FRMPD4: variants seen among roughly 807,000 people sequenced by gnomAD.
FRMPD4 encodes the protein FERM and PDZ domain-containing protein 4.
Under a neutral mutation model 94.1 loss-of-function variants are expected in FRMPD4, and 22 were observed. That is an observed-to-expected ratio of 0.23 (90% CI 0.17 to 0.33). The LOEUF (loss-of-function observed/expected upper bound fraction) is 0.33. Among genes scored for constraint, FRMPD4 ranks in the 10% least tolerant of loss-of-function variants. FRMPD4 has a pLI of 1.00. For synonymous variants in FRMPD4, 631 were observed against 548.6 expected (o/e 1.15, Z -2.10); for missense variants, 1,111 against 1,339.9 (o/e 0.83, Z 2.67).
chrX:11,857,544 C>T (rs1377757502), intron 1 of FRMPD4, among the ~76,000 whole-genome samples: 2 of 112,543 alleles, frequency 1.8e-5, no homozygotes, highest in African/African-American at 6.5e-5. Flanking sequence ...ACACTATGTA[C>T]AAAAATTAAC....
chrX:11,989,145 T>C (rs748096292), intron 3 of FRMPD4, among the ~76,000 whole-genome samples: 2 of 111,878 alleles, frequency 1.8e-5, no homozygotes, highest in Admixed American at 1.9e-4. Context: ...ATCAAAGAGA[T>C]AAGAAGTCAG....
intron 1 of FRMPD4, among the ~76,000 whole-genome samples, chrX:12,310,226 G>C (rs1315300708): frequency 1.8e-5 from 2 of 109,188 alleles, no homozygotes; most frequent in African/African-American, 6.7e-5. Context: ...AGGAGTGGGG[G>C]GTCGCAAGGT....
chrX:11,969,434 C>T (rs1217430349), intron 3 of FRMPD4, among the ~76,000 whole-genome samples: 1 of 112,138 alleles, frequency 8.9e-6, no homozygotes. Context: ...TTTCCATGGG[C>T]TTAGGCCTTG....
At chrX:11,849,009 G>A (rs1421258698) in intron 1 of FRMPD4, among the ~76,000 whole-genome samples, 2 of 111,101 alleles carry the variant, frequency 1.8e-5, no homozygotes, top group Non-Finnish European at 3.8e-5. Context: ...AAGACAAGAA[G>A]GAAAATTATC....
intron 1 of FRMPD4, among the ~76,000 whole-genome samples, chrX:12,247,689 A>G (rs2053975356): frequency 8.9e-6 from 1 of 112,033 alleles, no homozygotes; most frequent in Admixed American, 9.4e-5. Context: ...ACCTGGCAAT[A>G]TGTGCATTTT....
chrX:12,441,643 AGAGTCTTTGGCAAGACACATTGGAGT>A (rs1221117905), intron 1 of FRMPD4, among the ~76,000 whole-genome samples: 2 of 111,971 alleles, frequency 1.8e-5, no homozygotes, highest in Non-Finnish European at 3.8e-5. Flanking sequence ...AAAGAAGAAA[AGAGTCTTTGGCAAGACACATTGGAGT>A]ATTTCTTTTT....
At chrX:12,251,405 A>G (rs1179419518) in intron 1 of FRMPD4, among the ~76,000 whole-genome samples, 3 of 112,272 alleles carry the variant, frequency 2.7e-5, no homozygotes, top group Non-Finnish European at 5.6e-5. Flanking sequence ...CTGGCAGGCT[A>G]TGCCCCCAGC....
intron 3 of FRMPD4, among the ~76,000 whole-genome samples, chrX:11,997,405 G>A (rs756276545): frequency 7.1e-5 from 8 of 112,014 alleles, no homozygotes; most frequent in Non-Finnish European, 1.3e-4. Context: ...TTCCTAACAT[G>A]CAAGTATTAG....
chrX:12,360,925 C>CT (rs777506515), intron 1 of FRMPD4, among the ~76,000 whole-genome samples: 226 of 85,922 alleles, frequency 2.6e-3, no homozygotes, highest in African/African-American at 8.7e-3. Context: ...TATTCTATGG[C>CT]TTTTTTTTGC....
chrX:12,673,910 T>C (rs914851188), intron 4 of FRMPD4, among the ~76,000 whole-genome samples: 2 of 112,045 alleles, frequency 1.8e-5, no homozygotes, highest in African/African-American at 6.5e-5. Flanking sequence ...GCTAGAAGTG[T>C]GATTTGCAGT....
Position 12,380,073 on chromosome X carries a change from A to G in FRMPD4, c.42-118607A>G, listed in dbSNP as rs2056298598. ...TGGTACTAGGGCTCAACCGTATGGTAACTTGGTAGGAAAAATGATTTTGTT... is the reference window on the plus strand; with the variant it reads ...TGGTACTAGGGCTCAACCGTATGGTGACTTGGTAGGAAAAATGATTTTGTT... On this transcript the variant is annotated intron_variant, in intron 1 of 16. Coordinates refer to ENST00000675598, the MANE Select transcript of FRMPD4 (RefSeq NM_001368397.1). 2.7e-5 allele frequency among the ~76,000 whole-genome samples: 3 copies of G among 111,719 alleles called. 1 individual carries two copies. In the Admixed American group the frequency reaches 2.9e-4, roughly 11 times the overall value.
In FRMPD4 at chrX:12,716,818, C is replaced by T. The variant is rs2042096148; in HGVS notation, c.2359C>T (p.Pro787Ser). 8.3e-7 allele frequency: 1 copy of T among 1,209,849 alleles called. No homozygotes were observed. Among genetic ancestry groups the T allele is most frequent in the Non-Finnish European group, 1.1e-6 (1 of 894,926 alleles). The change falls in exon 15 of 17, where the codon CCC becomes TCC. Residue 787 changes from proline (P) to serine (S), a missense_variant. By Grantham distance (74) the Pro-to-Ser change is moderately conservative. Coordinates refer to ENST00000675598, the MANE Select transcript of FRMPD4 (RefSeq NM_001368397.1). ...TGACATCATTGACCTCACATCCCTGCCCCCTCCAGAAGGTGATGACAATGA... is the reference window on the plus strand; with the variant it reads ...TGACATCATTGACCTCACATCCCTGTCCCCTCCAGAAGGTGATGACAATGA... ...SDDIIDLTSL[P>S]PPEGDDNEDD...
intron 3 of FRMPD4, among the ~76,000 whole-genome samples, chrX:11,899,681 A>G (rs1167813880): frequency 8.9e-6 from 1 of 111,994 alleles, no homozygotes; most frequent in Non-Finnish European, 1.9e-5. Flanking sequence ...TTCTGCCAAC[A>G]ATAATGAGCA....
intron 1 of FRMPD4, among the ~76,000 whole-genome samples, chrX:12,264,986 G>T (rs1173179210): frequency 8.9e-6 from 1 of 112,120 alleles, no homozygotes; most frequent in Non-Finnish European, 1.9e-5. Context: ...AAGGCCTAAT[G>T]CTGTACATTA....
intron 1 of FRMPD4, among the ~76,000 whole-genome samples, chrX:12,232,656 G>C (rs2023759): frequency 2.7e-5 from 3 of 111,050 alleles, no homozygotes; most frequent in African/African-American, 9.8e-5. Context: ...GGTTGGAGTA[G>C]GGAGGGGTCA....
chrX:12,717,949 T>C lies in FRMPD4; in HGVS notation c.3123T>C (p.Asn1041=). The C allele has an allele frequency of 8.3e-7, 1 of 1,210,805 alleles. No individual in the cohort carries two copies. The highest frequency in any genetic ancestry group is 1.8e-5 in the South Asian group (1 of 56,946). The part of the protein sequence containing the change: ...LADGEGKAPP[N]GNTTGKKQQG... ...ATGGTGAGGGGAAGGCACCCCCTAA[T>C]GGGAACACAACAGGAAAAAAACAGC... Residue 1041 remains asparagine (N), a synonymous_variant, in exon 16 of 17, where the codon AAT becomes AAC. Coordinates refer to ENST00000675598, the MANE Select transcript of FRMPD4 (RefSeq NM_001368397.1).
intron 1 of FRMPD4, among the ~76,000 whole-genome samples, chrX:12,170,961 C>G (rs1022923456): frequency 8.8e-6 from 1 of 113,440 alleles, no homozygotes; most frequent in African/African-American, 3.2e-5. Flanking sequence ...TCCACTTGTT[C>G]TCAGATTCCT....
intron 3 of FRMPD4, among the ~76,000 whole-genome samples, chrX:12,093,583 G>A (rs2055172445): frequency 1.0e-5 from 1 of 95,822 alleles, no homozygotes. Context: ...CTTTCTAGTA[G>A]TTGCAGACAA....
chrX:12,515,266 G>A (rs930960697), intron 2 of FRMPD4, among the ~76,000 whole-genome samples: 2 of 111,116 alleles, frequency 1.8e-5, no homozygotes, highest in Admixed American at 1.9e-4. Context: ...TTTGCTCTTG[G>A]TTCTCTAGTT....
Sources: gnomAD v4.1 joint callset for allele counts (sites outside exome capture counted in the v4.1 genomes callset) on GRCh38, gnomAD v4.1.1 for gene constraint, MANE v1.5 for transcripts, NCBI Gene and HGNC (gene_info 2026-07-23, HGNC 2026-07-21) for gene names.